Variants in GPC5 observed in about 807,000 individuals in gnomAD.
GPC5 encodes the protein glypican-5.
Under a neutral mutation model 53.9 loss-of-function variants are expected in GPC5, and 47 were observed. The observed-to-expected ratio is 0.87, with a 90% CI of 0.69 to 1.11. The LOEUF is 1.11. Among genes scored for constraint, GPC5 ranks in the 50% most tolerant of loss-of-function variants. The pLI, the probability that GPC5 is intolerant of heterozygous loss-of-function variation, is 0.00. For synonymous variants in GPC5, 286 were observed against 263.3 expected (o/e 1.09, Z -0.84); for missense variants, 748 against 713.1 (o/e 1.05, Z -0.56).
intron 2 of GPC5, among the ~76,000 whole-genome samples, chr13:91,512,449 C>T (rs1449354389): frequency 1.3e-5 from 2 of 152,188 alleles, no homozygotes; most frequent in Admixed American, 6.5e-5. Context: ...TAGAGCAGCT[C>T]CTGTGCATTT....
intron 7 of GPC5, among the ~76,000 whole-genome samples, chr13:92,661,901 C>G (rs987702314): frequency 2.6e-5 from 4 of 152,168 alleles, no homozygotes; most frequent in African/African-American, 9.7e-5. Context: ...TGACATTTGT[C>G]ATAGTCCTGT....
At chr13:92,471,078 G>A (rs1043792130) in intron 7 of GPC5, among the ~76,000 whole-genome samples, 4 of 152,060 alleles carry the variant, frequency 2.6e-5, no homozygotes, top group African/African-American at 9.7e-5. Context: ...GAGGGCAGCC[G>A]TGTCCTTATC....
chr13:92,320,453 C>A (rs2043208424), intron 7 of GPC5, among the ~76,000 whole-genome samples: 1 of 152,062 alleles, frequency 6.6e-6, no homozygotes, highest in Non-Finnish European at 1.5e-5. Flanking sequence ...TCTAGCTGTT[C>A]AGCTTTTACC....
chr13:92,274,452 T>C (rs150323308), intron 7 of GPC5, among the ~76,000 whole-genome samples: 1 of 152,222 alleles, frequency 6.6e-6, no homozygotes, highest in East Asian at 1.9e-4. Flanking sequence ...CCTGAGTAAC[T>C]CGTACTTATT....
intron 7 of GPC5, among the ~76,000 whole-genome samples, chr13:92,262,975 G>A (rs2042777111): frequency 6.6e-6 from 1 of 151,880 alleles, no homozygotes; most frequent in Non-Finnish European, 1.5e-5. Flanking sequence ...ATACTCTTTA[G>A]CTATTAGCAC....
intron 2 of GPC5, among the ~76,000 whole-genome samples, chr13:91,536,867 A>T (rs781637479): frequency 6.6e-6 from 1 of 152,254 alleles, no homozygotes; most frequent in South Asian, 2.1e-4. Flanking sequence ...TGATCACAAC[A>T]TACTGAAATT....
At chr13:91,471,346 A>T (rs1882613043) in intron 2 of GPC5, among the ~76,000 whole-genome samples, 1 of 151,942 alleles carries the variant, frequency 6.6e-6, no homozygotes, top group South Asian at 2.1e-4. Context: ...CTATAATTTC[A>T]GCTTTAAATA....
At chr13:91,700,439 A>C (rs1231676058) in intron 3 of GPC5, among the ~76,000 whole-genome samples, 1 of 152,190 alleles carries the variant, frequency 6.6e-6, no homozygotes, top group East Asian at 1.9e-4. Context: ...GAGAGAGGTA[A>C]AAATATTAAA....
intron 7 of GPC5, among the ~76,000 whole-genome samples, chr13:92,854,380 A>G (rs547245946): frequency 1.3e-5 from 2 of 149,418 alleles, no homozygotes; most frequent in South Asian, 4.2e-4. Context: ...AATAGATATT[A>G]AATATATATT....
At chr13:92,372,298 GA>G (rs1179889508) in intron 7 of GPC5, among the ~76,000 whole-genome samples, 2 of 152,154 alleles carry the variant, frequency 1.3e-5, no homozygotes, top group Non-Finnish European at 2.9e-5. Context: ...TAAGACCCTA[GA>G]TTGCAAACTT....
At chr13:92,020,537 G>C (rs1193463238) in intron 6 of GPC5, among the ~76,000 whole-genome samples, 1 of 151,616 alleles carries the variant, frequency 6.6e-6, no homozygotes, top group Non-Finnish European at 1.5e-5. Flanking sequence ...ATCTCATTGT[G>C]GTTTTTGGTT....
intron 5 of GPC5, among the ~76,000 whole-genome samples, chr13:91,844,646 A>G (rs2038827788): frequency 6.6e-6 from 1 of 152,188 alleles, no homozygotes; most frequent in Non-Finnish European, 1.5e-5. Context: ...GTGAATTAAA[A>G]AGTCCTGGAA....
intron 7 of GPC5, among the ~76,000 whole-genome samples, chr13:92,304,974 G>A (rs1387996964): frequency 1.3e-5 from 2 of 152,150 alleles, no homozygotes; most frequent in Non-Finnish European, 2.9e-5. Context: ...GTAAATAGAT[G>A]AGATCGGGTG....
chr13:91,691,269 G>T (rs1217947238), intron 2 of GPC5, among the ~76,000 whole-genome samples: 5 of 152,278 alleles, frequency 3.3e-5, no homozygotes, highest in African/African-American at 1.2e-4. Context: ...CAGGTTAAAA[G>T]AATCACCTGG....
intron 3 of GPC5, among the ~76,000 whole-genome samples, chr13:91,702,514 T>G (rs2036014821): frequency 6.6e-6 from 1 of 152,168 alleles, no homozygotes; most frequent in South Asian, 2.1e-4. Context: ...CATGTCTGTC[T>G]TTATACTTGT....
At chr13:92,321,079 T>C (rs117579291) in intron 7 of GPC5, among the ~76,000 whole-genome samples, 4,484 of 152,178 alleles carry the variant, frequency 0.029, 103 homozygotes, top group Non-Finnish European at 0.047. Context: ...GTGGAAGATA[T>C]CTCTGGAGTA....
At chr13:92,828,851 G>A (rs1877944461) in intron 7 of GPC5, among the ~76,000 whole-genome samples, 1 of 152,138 alleles carries the variant, frequency 6.6e-6, no homozygotes, top group Non-Finnish European at 1.5e-5. Context: ...TAGGAGGTTA[G>A]AAGGGAGTTG....
chr13:91,422,656 C>A (rs35025269), intron 1 of GPC5, among the ~76,000 whole-genome samples: 99,868 of 150,916 alleles, frequency 0.66, 33,518 homozygotes, highest in African/African-American at 0.76. Flanking sequence ...AAAAAAAAAA[C>A]CATTTCTTAC....
intron 7 of GPC5, among the ~76,000 whole-genome samples, chr13:92,614,419 GTTGAACCATT>G (rs1884612734): frequency 1.3e-5 from 2 of 152,240 alleles, no homozygotes; most frequent in Non-Finnish European, 1.5e-5. Flanking sequence ...AATGTGGTAA[GTTGAACCATT>G]TTAAGTCCAG....
Sources: gnomAD v4.1 joint callset for allele counts (sites outside exome capture counted in the v4.1 genomes callset) on GRCh38, gnomAD v4.1.1 for gene constraint, MANE v1.5 for transcripts, NCBI Gene and HGNC (gene_info 2026-07-23, HGNC 2026-07-21) for gene names.